RUFY1: variants seen among roughly 807,000 people sequenced by gnomAD.
The protein encoded by RUFY1 is RUN and FYVE domain containing 1.
In RUFY1, 54 loss-of-function variants were observed where a neutral mutation model predicts 94.6. The observed-to-expected ratio is 0.57, with a 90% confidence interval of 0.46 to 0.72. The LOEUF (loss-of-function observed/expected upper bound fraction) is 0.72, where lower values mean the gene tolerates loss of function less well. Among genes scored for constraint, RUFY1 ranks in the 30% least tolerant of loss-of-function variants. RUFY1 has a pLI of 0.00. For synonymous variants in RUFY1, 396 were observed against 347.3 expected, an observed-to-expected ratio of 1.14 and a Z score of -1.56; for missense variants, 883 against 883.9, an observed-to-expected ratio of 1.00 and a Z score of 0.01.
At chr5:179,577,189 T>TTTTTTGGG in intron 6 of RUFY1, 53 bp downstream of exon 6, 1 of 871,456 alleles carries the variant, frequency 1.1e-6, no homozygotes, top group East Asian at 3.3e-5. Context: ...TTTTTTTTTT[T>TTTTTTGGG]GAGACAGAAT....
intron 1 of RUFY1, among the ~76,000 whole-genome samples, chr5:179,552,251 A>C (rs1451723282): frequency 2.0e-5 from 3 of 151,544 alleles, no homozygotes; most frequent in African/African-American, 7.3e-5. Flanking sequence ...GCCAGTGGCT[A>C]CTGTATGAGA....
chr5:179,567,250 A>C (rs1762896738), intron 3 of RUFY1, among the ~76,000 whole-genome samples: 1 of 152,206 alleles, frequency 6.6e-6, no homozygotes, highest in South Asian at 2.1e-4. Context: ...ATCTAATTGT[A>C]TTTGTAATAG....
chr5:179,580,953 AAG>A lies in RUFY1; in HGVS notation c.899_900del (p.Arg300AsnfsTer3). The A allele has an allele frequency of 6.3e-7, 1 of 1,598,650 alleles. No individual in the cohort carries two copies. The highest frequency in any genetic ancestry group is 8.6e-7 in the Non-Finnish European group (1 of 1,169,542). ...CTTATGCTCCTTTTAAAAGGCATGA[AAG>A]AATTACTGATGTCCTTGATCAAAAA... ...QDLDGGKEHE[R>X]ITDVLDQKNY... is the part of the protein sequence containing the mutation. On this transcript the variant is annotated frameshift_variant, in exon 7 of 18. Transcript: ENST00000319449. LOFTEE classifies it high-confidence loss of function.
At chr5:179,573,816 C>T (rs904606094) in intron 5 of RUFY1, among the ~76,000 whole-genome samples, 2 of 152,136 alleles carry the variant, frequency 1.3e-5, no homozygotes, top group Non-Finnish European at 2.9e-5. Context: ...GCCACCGTGC[C>T]CGGCCTACTT....
chr5:179,595,219 C>T (rs1044327499), intron 12 of RUFY1, among the ~76,000 whole-genome samples: 2 of 152,182 alleles, frequency 1.3e-5, no homozygotes, highest in East Asian at 1.9e-4. Flanking sequence ...GTGGCTCACG[C>T]CTGTAATCCC....
intron 14 of RUFY1, among the ~76,000 whole-genome samples, chr5:179,599,829 G>A (rs559547527): frequency 3.9e-5 from 6 of 152,384 alleles, no homozygotes; most frequent in South Asian, 2.1e-4. Context: ...CACCTGCCCC[G>A]GAGGGGCCTT....
chr5:179,572,262 G>T, intron 5 of RUFY1: 1 of 258,624 alleles, frequency 3.9e-6, no homozygotes, highest in South Asian at 3.7e-5. Flanking sequence ...ACAAAGGGAA[G>T]TACGTCGTCC....
At chr5:179,560,255 A>G (rs200138378) in intron 2 of RUFY1, 57 bp downstream of exon 2, 1 of 1,576,442 alleles carries the variant, frequency 6.3e-7, no homozygotes, top group East Asian at 2.3e-5. Context: ...TTTGCTCAGC[A>G]TTTTTTCATC....
intron 7 of RUFY1, among the ~76,000 whole-genome samples, chr5:179,583,124 GAAACC>G (rs1256874277): frequency 6.6e-6 from 1 of 151,772 alleles, no homozygotes; most frequent in Non-Finnish European, 1.5e-5. Context: ...CCAACATGGT[GAAACC>G]CCATCTCTAC....
At position 179,594,851 on chromosome 5, in the gene RUFY1, C is replaced by T. The variant is rs1022865603; in HGVS notation, c.1414-15C>T. The T allele has an allele frequency of 6.3e-7, 1 of 1,584,608 alleles. No individual in the cohort carries two copies. Among genetic ancestry groups the T allele is most frequent in the South Asian group, 1.1e-5 (1 of 90,472 alleles). On this transcript the variant is annotated splice_polypyrimidine_tract_variant and intron_variant, in intron 11 of 17. Transcript: ENST00000319449. ...TGGGACAGGCAGAGTATGAACCCTT[C>T]CTTTGCTTTTGTAGAATGCAGAGAG...
At chr5:179,580,552 G>GT (rs35615152) in intron 6 of RUFY1, among the ~76,000 whole-genome samples, 1,958 of 145,272 alleles carry the variant, frequency 0.013, 33 homozygotes, top group African/African-American at 0.044. Context: ...AGTTTTTTTT[G>GT]TTTTTTTTTT....
At chr5:179,608,243 A>G in intron 17 of RUFY1, 1 of 977,388 alleles carries the variant, frequency 1.0e-6, no homozygotes, top group Non-Finnish European at 1.2e-6. Context: ...AGCGCCACCC[A>G]CCTTTCTGCC....
Position 179,596,497 on chromosome 5 carries a change from A to G in RUFY1, c.1512-65A>G. 4.4e-6 allele frequency: 7 copies of G among 1,599,154 alleles called. No individual in the cohort carries two copies. In the South Asian group the frequency reaches 7.7e-5, roughly 18 times the overall value. ...GTAATTTTAAAAATGAATTTCAGCCAGCAAAAGTCATCCTTTCCTTACAAA... is the reference window on the plus strand; with the variant it reads ...GTAATTTTAAAAATGAATTTCAGCCGGCAAAAGTCATCCTTTCCTTACAAA... On this transcript the variant is annotated intron_variant, in intron 12 of 17. Transcript: ENST00000319449.
intron 17 of RUFY1, 79 bp from the exon 18 acceptor site, chr5:179,609,297 T>G: frequency 6.7e-7 from 1 of 1,490,490 alleles, no homozygotes; most frequent in Non-Finnish European, 9.2e-7. Context: ...AATGATGCGC[T>G]TCTGGGTCAG....
chr5:179,559,027 TG>T (rs1209552766), intron 1 of RUFY1, among the ~76,000 whole-genome samples: 5 of 152,230 alleles, frequency 3.3e-5, no homozygotes, highest in Admixed American at 1.3e-4. Context: ...CAGTAGTAAT[TG>T]GACAGCTGCA....
Position 179,599,015 on chromosome 5 carries a change from A to T in RUFY1, c.1761+194A>T, listed in dbSNP as rs952849265. On this transcript the variant is annotated intron_variant, in intron 14 of 17. Coordinates refer to ENST00000319449, the MANE Select transcript of RUFY1 (RefSeq NM_025158.5). Reference sequence around the variant, plus strand: ...ATCATAAACCACTAAGCCTGCTGGCAGCTCAGATAGAGGCAAGTGCCATGA... The same window carrying T: ...ATCATAAACCACTAAGCCTGCTGGCTGCTCAGATAGAGGCAAGTGCCATGA... Among the ~76,000 whole-genome samples the T allele has an allele frequency of 1.3e-4, 20 of 152,242 alleles. 1 individual carries two copies. Among genetic ancestry groups the T allele is most frequent in the African/African-American group, 4.8e-4 (20 of 41,464 alleles).
At chr5:179,561,668 T>G (rs193205994) in intron 2 of RUFY1, among the ~76,000 whole-genome samples, 6 of 140,654 alleles carry the variant, frequency 4.3e-5, no homozygotes, top group Non-Finnish European at 7.7e-5. Context: ...AGGCAACTGT[T>G]TTTTTCTTTC....
At chr5:179,566,343 G>A (rs1214619660) in intron 3 of RUFY1, among the ~76,000 whole-genome samples, 2 of 151,834 alleles carry the variant, frequency 1.3e-5, no homozygotes, top group Non-Finnish European at 2.9e-5. Context: ...TTGGGGCCAG[G>A]CCTGTAATCC....
At chr5:179,551,179 A>G (rs949074276) in intron 1 of RUFY1, among the ~76,000 whole-genome samples, 2 of 152,170 alleles carry the variant, frequency 1.3e-5, no homozygotes, top group African/African-American at 4.8e-5. Flanking sequence ...AACTCCACAC[A>G]CGAAACGGAG....
Sources: gnomAD v4.1 joint callset for allele counts (sites outside exome capture counted in the v4.1 genomes callset) on GRCh38, gnomAD v4.1.1 for gene constraint, MANE v1.5 for transcripts, NCBI Gene and HGNC (gene_info 2026-07-23, HGNC 2026-07-21) for gene names.